Variants in MYO10 observed in about 807,000 individuals in gnomAD.
MYO10 encodes myosin X.
MYO10 carries 133 observed loss-of-function variants against 257.3 expected under a neutral mutation model. The observed-to-expected ratio is 0.52, with a 90% CI of 0.45 to 0.60. The LOEUF (loss-of-function observed/expected upper bound fraction) is 0.60, where lower values mean the gene tolerates loss of function less well. Ranked by LOEUF, MYO10 falls within the 20% of genes least tolerant of loss-of-function variation. The pLI, the probability that MYO10 is intolerant of heterozygous loss-of-function variation, is 0.00. For synonymous variants in MYO10, 1,104 were observed against 1,028.6 expected (o/e 1.07, Z -1.40); for missense variants, 2,399 against 2,635.7 (o/e 0.91, Z 1.97).
At chr5:16,911,881 T>TA (rs1300372889) in intron 1 of MYO10, among the ~76,000 whole-genome samples, 1 of 151,968 alleles carries the variant, frequency 6.6e-6, no homozygotes, top group East Asian at 1.9e-4. Flanking sequence ...CTACTAAAAA[T>TA]ACAAAAATTA....
intron 2 of MYO10, among the ~76,000 whole-genome samples, chr5:16,872,733 C>T (rs559318561): frequency 1.1e-4 from 17 of 152,108 alleles, no homozygotes; most frequent in Admixed American, 1.3e-4. Context: ...TGGCAGGAAG[C>T]GAAAGGCACT....
At chr5:16,689,590 C>G (rs75042349) in intron 28 of MYO10, among the ~76,000 whole-genome samples, 3,073 of 151,900 alleles carry the variant, frequency 0.02, 88 homozygotes, top group African/African-American at 0.07. Context: ...ATGGATCTGT[C>G]TAGTGGCACT....
chr5:16,695,120 G>A (rs1428707702), intron 26 of MYO10, among the ~76,000 whole-genome samples: 1 of 152,134 alleles, frequency 6.6e-6, no homozygotes, highest in Admixed American at 6.5e-5. Flanking sequence ...GATCACTTGA[G>A]GTCAGGAGTT....
At chr5:16,785,899 A>C (rs1443753333) in intron 4 of MYO10, among the ~76,000 whole-genome samples, 1 of 151,892 alleles carries the variant, frequency 6.6e-6, no homozygotes, top group Admixed American at 6.6e-5. Context: ...ACAAAAAAAC[A>C]AAAAACCCGG....
intron 14 of MYO10, 82 bp downstream of exon 14, chr5:16,763,399 G>A: frequency 9.4e-7 from 1 of 1,061,004 alleles, no homozygotes; most frequent in Non-Finnish European, 1.5e-6. Context: ...GCGTGTTCGT[G>A]CACGTTATTT....
intron 19 of MYO10, among the ~76,000 whole-genome samples, chr5:16,725,788 T>A (rs1397188761): frequency 5.5e-5 from 1 of 18,232 alleles, no homozygotes; most frequent in Non-Finnish European, 1.2e-4. Context: ...AGGTACCCCC[T>A]TTTTTTTTTT....
At chr5:16,682,956 G>T (rs541885295) in intron 30 of MYO10, among the ~76,000 whole-genome samples, 266 of 152,174 alleles carry the variant, frequency 1.7e-3, no homozygotes, top group African/African-American at 6.3e-3. Flanking sequence ...ATGTGGAGAA[G>T]GTAAGGTAGA....
intron 2 of MYO10, among the ~76,000 whole-genome samples, chr5:16,827,582 C>T (rs193182304): frequency 1.6e-4 from 25 of 152,330 alleles, no homozygotes; most frequent in African/African-American, 4.8e-4. Context: ...CCACTGCGCC[C>T]AGCCAATGTT....
Position 16,670,564 on chromosome 5 carries a change from CCTT to C in MYO10, c.5842_5844del (p.Lys1948del), listed in dbSNP as rs776544791. The C allele has an allele frequency of 2.5e-6, 4 of 1,613,706 alleles. No individual in the cohort carries two copies. Among genetic ancestry groups the C allele is most frequent in the Non-Finnish European group, 3.4e-6 (4 of 1,179,714 alleles). On this transcript the variant is annotated inframe_deletion, in exon 39 of 41. Transcript: ENST00000513610. ...AGCGTCGAGCCATAGCCAGGCCACT[CCTT>C]GATCAAGGCCATGTACTTGGCCATG...
intron 26 of MYO10, among the ~76,000 whole-genome samples, chr5:16,696,580 G>C (rs28709506): frequency 0.01 from 1,527 of 151,968 alleles, 8 homozygotes; most frequent in Non-Finnish European, 0.015. Flanking sequence ...CAATGCTGCC[G>C]GGCGTGGTGT....
chr5:16,759,817 T>TA (rs1188488010), intron 17 of MYO10, among the ~76,000 whole-genome samples: 1 of 152,126 alleles, frequency 6.6e-6, no homozygotes, highest in Non-Finnish European at 1.5e-5. Context: ...AAAACTCACC[T>TA]AAAAATAAAA....
At position 16,748,621 on chromosome 5, in the gene MYO10, A is replaced by G. The variant is rs10072360; in HGVS notation, c.1929+6207T>C. Among the ~76,000 whole-genome samples, 580 of 135,500 alleles carry G rather than the reference A, an allele frequency of 4.3e-3. 2 individuals carry two copies. The highest frequency in any genetic ancestry group is 0.011 in the African/African-American group (407 of 36,544). The allele number at this position is 135,500 out of a possible 152,430, so 88.9% of individuals were successfully genotyped here. A position where few individuals can be genotyped will look rare whatever the true frequency, so the allele number is the denominator to read the frequency against. On this transcript the variant is annotated intron_variant, in intron 19 of 40. Coordinates refer to ENST00000513610, the MANE Select transcript of MYO10 (RefSeq NM_012334.3). ...AAAAGAAAAAGAGGGAGAGAGGGAG[A>G]GAGGGAGGGAGGGAGGGAGGGAGAA...
chr5:16,803,657 T>C (rs925326164), intron 3 of MYO10, among the ~76,000 whole-genome samples: 2 of 152,172 alleles, frequency 1.3e-5, no homozygotes, highest in African/African-American at 4.8e-5. Flanking sequence ...AACGACCAGA[T>C]TTAATTGGAA....
intron 25 of MYO10, among the ~76,000 whole-genome samples, chr5:16,700,419 G>C (rs183519578): frequency 6.6e-6 from 1 of 152,350 alleles, no homozygotes; most frequent in African/African-American, 2.4e-5. Flanking sequence ...GCTCACGCCT[G>C]TAATCCCAGC....
At chr5:16,804,182 G>T (rs919576627) in intron 3 of MYO10, among the ~76,000 whole-genome samples, 1 of 152,168 alleles carries the variant, frequency 6.6e-6, no homozygotes, top group Admixed American at 6.5e-5. Context: ...CACCATGGCT[G>T]ACGTCTCCTT....
intron 1 of MYO10, among the ~76,000 whole-genome samples, chr5:16,905,334 T>TCC (rs1168978018): frequency 6.6e-6 from 1 of 152,096 alleles, no homozygotes; most frequent in African/African-American, 2.4e-5. Flanking sequence ...GACAACAATC[T>TCC]CCCTCACCGA....
At chr5:16,693,330 G>A (rs1473838359) in intron 27 of MYO10, among the ~76,000 whole-genome samples, 1 of 152,152 alleles carries the variant, frequency 6.6e-6, no homozygotes, top group East Asian at 1.9e-4. Flanking sequence ...AGAGAAGATG[G>A]CAGAGGCAAC....
At chr5:16,741,656 T>C in intron 19 of MYO10, 1 of 417,456 alleles carries the variant, frequency 2.4e-6, no homozygotes, top group Non-Finnish European at 3.2e-6. Flanking sequence ...GCAATCAAAA[T>C]CAGCACTAAC....
intron 19 of MYO10, among the ~76,000 whole-genome samples, chr5:16,741,645 T>C (rs993521143): frequency 2.6e-5 from 4 of 152,228 alleles, no homozygotes; most frequent in Admixed American, 6.5e-5. Flanking sequence ...AACTTGTACA[T>C]GCAATCAAAA....
Sources: allele counts gnomAD v4.1 joint callset (sites outside exome capture counted in the v4.1 genomes callset), GRCh38; gene constraint gnomAD v4.1.1; transcripts MANE v1.5; gene names NCBI Gene and HGNC (gene_info 2026-07-23, HGNC 2026-07-21).